The following CDH23 variants were observed in gnomAD, a reference collection of about 807,000 sequenced individuals.
CDH23 encodes cadherin-23.
A neutral mutation model predicts 317.1 loss-of-function variants in CDH23; 189 were observed. The ratio of observed to expected loss-of-function variants is 0.60; its 90% CI spans 0.53 to 0.67. The LOEUF is 0.67. CDH23 is among the 30% of genes least tolerant of loss of function. The pLI is 0.00. For missense variants in CDH23, 4,401 were observed against 4,592.4 expected (o/e 0.96, Z 1.20); for synonymous variants, 1,839 against 1,876.8 (o/e 0.98, Z 0.52).
At chr10:71,503,850 C>T (rs370293745) in intron 3 of CDH23, among the ~76,000 whole-genome samples, 1 of 152,012 alleles carries the variant, frequency 6.6e-6, no homozygotes, top group Non-Finnish European at 1.5e-5. Flanking sequence ...AGGGTAGGAA[C>T]CTTCCCAGCC....
At chr10:71,420,499 A>AATGGTGATGGTGATGATGATG (rs1848744262) in intron 1 of CDH23, among the ~76,000 whole-genome samples, 1 of 2,376 alleles carries the variant, frequency 4.2e-4, no homozygotes, top group Non-Finnish European at 8.5e-4. Flanking sequence ...TGATGATGGT[A>AATGGTGATGGTGATGATGATG]ATGGTGATGG....
chr10:71,692,234 A>G lies in CDH23; in HGVS notation c.2176+1650A>G, dbSNP rs1046820592. ...ACGAACTTCTGACTCCAGAATCCAA[A>G]CATTAAAGGCGCCATTATATGAGTA... On this transcript the variant is annotated intron_variant, in intron 20 of 69. Transcript: ENST00000224721. Among the ~76,000 whole-genome samples the G allele has an allele frequency of 2.0e-5, 3 of 152,206 alleles. No homozygotes were observed. In the South Asian group the frequency reaches 6.2e-4, roughly 32 times the overall value.
intron 14 of CDH23, among the ~76,000 whole-genome samples, chr10:71,668,236 T>C (rs114148890): frequency 0.016 from 2,468 of 152,214 alleles, 71 homozygotes; most frequent in African/African-American, 0.057. Context: ...CTAGAGTTGC[T>C]GGGAGCCCGC....
chr10:71,688,485 G>C (rs553965462), intron 19 of CDH23, among the ~76,000 whole-genome samples: 3 of 150,498 alleles, frequency 2.0e-5, no homozygotes, highest in African/African-American at 7.5e-5. Flanking sequence ...GCCAGGGGTC[G>C]TGGAGCCAGG....
intron 3 of CDH23, among the ~76,000 whole-genome samples, chr10:71,481,086 T>C (rs1446961558): frequency 6.6e-6 from 1 of 152,070 alleles, no homozygotes; most frequent in Non-Finnish European, 1.5e-5. Flanking sequence ...AAGGGGACTT[T>C]GAGATCCCTG....
chr10:71,667,363 T>A (rs113285752), intron 14 of CDH23, among the ~76,000 whole-genome samples: 5,646 of 27,786 alleles, frequency 0.2, 251 homozygotes, highest in African/African-American at 0.35. Context: ...AGAGAGAGTG[T>A]GTGTGTGTGT....
chr10:71,552,861 G>A (rs777707823), intron 6 of CDH23, among the ~76,000 whole-genome samples: 1 of 152,152 alleles, frequency 6.6e-6, no homozygotes, highest in Non-Finnish European at 1.5e-5. Flanking sequence ...CTGTGTGTTT[G>A]GGAAGCCACC....
At chr10:71,734,827 C>G (rs1022397900) in intron 34 of CDH23, among the ~76,000 whole-genome samples, 169 bp downstream of exon 34, 1 of 152,236 alleles carries the variant, frequency 6.6e-6, no homozygotes, top group Admixed American at 6.5e-5. Flanking sequence ...GTTCAGGCCC[C>G]TCTGGGGCAT....
chr10:71,618,435 C>T (rs919288433), intron 11 of CDH23, among the ~76,000 whole-genome samples: 3 of 152,090 alleles, frequency 2.0e-5, no homozygotes, highest in African/African-American at 7.2e-5. Flanking sequence ...CTCAGCCTGC[C>T]TCCTCCCCTG....
Position 71,397,737 on chromosome 10 carries a change from C to T in CDH23, c.-6+419C>T, listed in dbSNP as rs1473558417. Among the ~76,000 whole-genome samples, 1 of 152,068 alleles carries T rather than the reference C, an allele frequency of 6.6e-6. No homozygotes were observed. The highest frequency in any genetic ancestry group is 2.4e-5 in the African/African-American group (1 of 41,424). On this transcript the variant is annotated intron_variant, in intron 1 of 69. Coordinates refer to ENST00000224721, the MANE Select transcript of CDH23 (RefSeq NM_022124.6). The surrounding 1 kb of genome is among the most constrained non-coding windows in gnomAD (Gnocchi z 4.8). ...TCCCCTCCCCTTCTGAGCCCTGGGT[C>T]CCCATTTGGACAGTGGGGATGGGGT...
intron 16 of CDH23, among the ~76,000 whole-genome samples, chr10:71,678,474 T>C (rs1438632018): frequency 6.6e-6 from 1 of 152,220 alleles, no homozygotes; most frequent in East Asian, 1.9e-4. Flanking sequence ...TTCCCCATGC[T>C]GCCTACCCCA....
chr10:71,633,535 CT>C (rs1862118801), intron 11 of CDH23, among the ~76,000 whole-genome samples: 1 of 152,194 alleles, frequency 6.6e-6, no homozygotes, highest in African/African-American at 2.4e-5. Flanking sequence ...ATGGTCACCC[CT>C]CTACCCGGAG....
chr10:71,732,458 C>CTCTT, intron 32 of CDH23, 83 bp downstream of exon 32: 1 of 1,523,556 alleles, frequency 6.6e-7, no homozygotes, highest in Non-Finnish European at 8.8e-7. Flanking sequence ...CAGCACTCTC[C>CTCTT]TCTTTGTCAT....
chr10:71,684,745 G>A (rs1168814265), intron 18 of CDH23, among the ~76,000 whole-genome samples: 1 of 152,228 alleles, frequency 6.6e-6, no homozygotes, highest in Non-Finnish European at 1.5e-5. Context: ...GAGTTCCCAT[G>A]AGTGGGCTGA....
intron 3 of CDH23, among the ~76,000 whole-genome samples, chr10:71,458,102 G>A (rs1482572906): frequency 1.3e-5 from 2 of 152,216 alleles, no homozygotes; most frequent in Non-Finnish European, 2.9e-5. Flanking sequence ...CTGAGGAGAC[G>A]GGCAGGCAGA....
At chr10:71,550,524 C>A (rs1412480862) in intron 6 of CDH23, among the ~76,000 whole-genome samples, 1 of 128,138 alleles carries the variant, frequency 7.8e-6, no homozygotes, top group Non-Finnish European at 1.6e-5. Context: ...CGTGCCACTG[C>A]ACTTTACCCT....
Position 71,798,450 on chromosome 10 carries a change from C to A in CDH23, c.6926C>A (p.Ala2309Asp), listed in dbSNP as rs1841463890. The A allele has an allele frequency of 6.2e-7, 1 of 1,613,740 alleles. No individual in the cohort carries two copies. Among genetic ancestry groups the A allele is most frequent in the Admixed American group, 1.7e-5 (1 of 60,002 alleles). Residue 2309 changes from alanine to aspartate, a missense_variant, in exon 50 of 70, where the codon GCC (alanine) becomes GAC (aspartate). Around this residue, in one of 3 missense-constraint regions of CDH23, gnomAD observed 3,068 missense variants for 3,203.3 expected, o/e 0.96. Coordinates refer to ENST00000224721, the MANE Select transcript of CDH23 (RefSeq NM_022124.6). Reference protein sequence around the residue: ...TYYMERILEGATPGTTLIAVA... With the variant: ...TYYMERILEGDTPGTTLIAVA... ...TACATGGAGCGGATCCTGGAGGGGG[C>A]CACCCCTGGGACCACACTCATTGCT...
At chr10:71,733,374 A>T (rs577084826) in intron 32 of CDH23, among the ~76,000 whole-genome samples, 2 of 152,336 alleles carry the variant, frequency 1.3e-5, no homozygotes, top group African/African-American at 4.8e-5. Flanking sequence ...GGTACGATCA[A>T]TTATTAACTG....
chr10:71,410,729 G>T (rs1354117266), intron 1 of CDH23, among the ~76,000 whole-genome samples: 1 of 152,114 alleles, frequency 6.6e-6, no homozygotes, highest in Non-Finnish European at 1.5e-5. Flanking sequence ...CTTTATATAA[G>T]TTGAATAATG....
Sources: allele counts gnomAD v4.1 joint callset (sites outside exome capture counted in the v4.1 genomes callset), GRCh38; gene constraint gnomAD v4.1.1; regional missense constraint gnomAD v4.1.1; non-coding constraint Gnocchi (gnomAD v3.1); transcripts MANE v1.5; gene names NCBI Gene and HGNC (gene_info 2026-07-23, HGNC 2026-07-21).